GABRA2: variants seen among roughly 807,000 people sequenced by gnomAD.
GABRA2 encodes gamma-aminobutyric acid receptor subunit alpha-2.
In GABRA2, 16 loss-of-function variants were observed where a neutral mutation model predicts 48.7. The ratio of observed to expected loss-of-function variants is 0.33; its 90% CI spans 0.22 to 0.50. The LOEUF (loss-of-function observed/expected upper bound fraction) is 0.50, where lower values mean the gene tolerates loss of function less well. GABRA2 is among the 20% of genes least tolerant of loss of function. The pLI is 0.98. For synonymous variants in GABRA2, 185 were observed against 184.5 expected, an observed-to-expected ratio of 1.00 and a Z score of -0.02; for missense variants, 275 against 535.6, an observed-to-expected ratio of 0.51 and a Z score of 4.80.
intron 3 of GABRA2, among the ~76,000 whole-genome samples, chr4:46,358,036 A>C (rs1382225301): frequency 6.6e-6 from 1 of 152,152 alleles, no homozygotes; most frequent in African/African-American, 2.4e-5. Context: ...CGTTAGTATG[A>C]GTATACTAGG....
intron 8 of GABRA2, among the ~76,000 whole-genome samples, chr4:46,297,296 A>C (rs1472760143): frequency 6.6e-6 from 1 of 151,610 alleles, no homozygotes; most frequent in Non-Finnish European, 1.5e-5. Context: ...TGGAAAGATT[A>C]GACTGGCTTA....
intron 3 of GABRA2, among the ~76,000 whole-genome samples, chr4:46,371,991 C>A (rs547605593): frequency 1.3e-5 from 2 of 152,238 alleles, no homozygotes; most frequent in South Asian, 2.1e-4. Flanking sequence ...CTGGCATCAC[C>A]CAGGAGCTTG....
At chr4:46,389,112 A>AAGGAG in intron 1 of GABRA2, 3 of 1,004,272 alleles carry the variant, frequency 3.0e-6, no homozygotes, top group Non-Finnish European at 3.6e-6. Flanking sequence ...GAGGGGAGGA[A>AAGGAG]AGGAGAGGAG....
chr4:46,368,674 G>A, intron 3 of GABRA2: 1 of 306,310 alleles, frequency 3.3e-6, no homozygotes, highest in East Asian at 5.3e-5. Flanking sequence ...AGTGTGATTT[G>A]TTTGGGAAGC....
chr4:46,309,982 C>T (rs1214768866), intron 6 of GABRA2, among the ~76,000 whole-genome samples, 191 bp downstream of exon 6: 2 of 152,154 alleles, frequency 1.3e-5, no homozygotes, highest in African/African-American at 2.4e-5. Flanking sequence ...AATTGTTTAA[C>T]ACCATGATTA....
At chr4:46,283,471 T>G (rs1359649501) in intron 8 of GABRA2, among the ~76,000 whole-genome samples, 1 of 152,128 alleles carries the variant, frequency 6.6e-6, no homozygotes, top group Non-Finnish European at 1.5e-5. Flanking sequence ...TTATTCCACA[T>G]GGGAAAAGAA....
chr4:46,277,839 A>G (rs1016339352), intron 8 of GABRA2, among the ~76,000 whole-genome samples: 2 of 152,202 alleles, frequency 1.3e-5, no homozygotes, highest in African/African-American at 2.4e-5. Flanking sequence ...AAGGTTGTCA[A>G]TGCAAGAATA....
chr4:46,307,461 A>G (rs1726896779), intron 6 of GABRA2, among the ~76,000 whole-genome samples: 2 of 151,170 alleles, frequency 1.3e-5, no homozygotes, highest in African/African-American at 2.4e-5. Context: ...TTTTTAGCGG[A>G]ACGACATCAC....
chr4:46,346,863 G>A (rs1018374989), intron 3 of GABRA2, among the ~76,000 whole-genome samples: 1 of 151,782 alleles, frequency 6.6e-6, no homozygotes, highest in Non-Finnish European at 1.5e-5. Flanking sequence ...TCTGTTCACT[G>A]ACAATATATA....
chr4:46,247,400 A>G lies in GABRA2; in HGVS notation c.*2908T>C, dbSNP rs1395161615. Among the ~76,000 whole-genome samples the G allele has an allele frequency of 6.6e-6, 1 of 151,166 alleles. No homozygotes were observed. Among genetic ancestry groups the G allele is most frequent in the Non-Finnish European group, 1.5e-5 (1 of 67,448 alleles). On this transcript the variant is annotated 3_prime_UTR_variant, in exon 10 of 10. Coordinates refer to ENST00000381620, the MANE Select transcript of GABRA2 (RefSeq NM_000807.4). ...TTAATTTCAAGTCATTATAAGAATGAGATGCACTTAAAATTTCAACTAAAT... is the reference window on the plus strand; with the variant it reads ...TTAATTTCAAGTCATTATAAGAATGGGATGCACTTAAAATTTCAACTAAAT...
rs572557564 is a variant in GABRA2, at chr4:46,373,055, T to G, written c.187+13019A>C. ...AATTGCAGCTGCCCCCTGGAACTGG[T>G]GGCAATCAGATATCTGAGGCTGAGA... On this transcript the variant is annotated intron_variant, in intron 3 of 9. Transcript: ENST00000381620. Among the ~76,000 whole-genome samples the G allele has an allele frequency of 2.0e-5, 3 of 152,278 alleles. No individual in the cohort carries two copies. The East Asian group carries it at 5.8e-4, about 29-fold the overall frequency.
intron 8 of GABRA2, among the ~76,000 whole-genome samples, chr4:46,289,797 C>A (rs112284905): frequency 0.01 from 1,558 of 152,064 alleles, 11 homozygotes; most frequent in Non-Finnish European, 0.017. Flanking sequence ...TGTGTCTGTT[C>A]GTATGCCAGC....
chr4:46,290,112 T>C (rs1383937615), intron 8 of GABRA2, among the ~76,000 whole-genome samples: 1 of 149,632 alleles, frequency 6.7e-6, no homozygotes, highest in Non-Finnish European at 1.5e-5. Flanking sequence ...GAGACGGGGT[T>C]TCACCATGGT....
intron 9 of GABRA2, among the ~76,000 whole-genome samples, chr4:46,259,079 T>C (rs976638050): frequency 6.6e-6 from 1 of 151,742 alleles, no homozygotes; most frequent in Non-Finnish European, 1.5e-5. Context: ...AAGGAGGCAG[T>C]TGAAAATAGT....
rs1330038983 is a variant in GABRA2 at position 46,245,212 on chromosome 4, T to G, written c.*5096A>C. Among the ~76,000 whole-genome samples, 5 of 151,202 alleles carry G rather than the reference T, an allele frequency of 3.3e-5. No individual in the cohort carries two copies. Among genetic ancestry groups the G allele is most frequent in the Non-Finnish European group, 7.4e-5 (5 of 67,430 alleles). On this transcript the variant is annotated 3_prime_UTR_variant, in exon 10 of 10. Transcript: ENST00000381620. ...ACTTAGAACGTTGACTAGTATGTGA[T>G]GGGCTCTCTGTAAGAATTATACTCT... is the stretch of plus-strand genomic sequence containing the variant.
intron 4 of GABRA2, among the ~76,000 whole-genome samples, chr4:46,321,999 C>CCACCAACCATA (rs1729534491): frequency 6.6e-6 from 1 of 152,024 alleles, no homozygotes; most frequent in African/African-American, 2.4e-5. Context: ...CAGTATTCAT[C>CCACCAACCATA]CACCAACCAT....
chr4:46,298,449 T>C (rs1472356015), intron 8 of GABRA2, among the ~76,000 whole-genome samples: 2 of 152,042 alleles, frequency 1.3e-5, no homozygotes, highest in Non-Finnish European at 2.9e-5. Context: ...GTACTCACAA[T>C]AGTGGAAATG....
In GABRA2 at chr4:46,313,429, T is replaced by C. The variant is rs147925137; in HGVS notation, c.256-713A>G. Among the ~76,000 whole-genome samples the C allele has an allele frequency of 3.3e-3, 498 of 152,174 alleles. 1 individual carries two copies. Among genetic ancestry groups the C allele is most frequent in the African/African-American group, 0.011 (449 of 41,574 alleles). On this transcript the variant is annotated intron_variant, in intron 4 of 9. Coordinates refer to ENST00000381620, the MANE Select transcript of GABRA2 (RefSeq NM_000807.4). ...TTGTAATACAAGCACCTTACAAGTT[T>C]TTAGAATACTTAAATTATGACTATC...
chr4:46,274,216 G>A (rs1388501214), intron 8 of GABRA2, among the ~76,000 whole-genome samples: 1 of 152,038 alleles, frequency 6.6e-6, no homozygotes. Flanking sequence ...AGCAAATTGA[G>A]TTTACATGAG....
Sources: allele counts gnomAD v4.1 joint callset (sites outside exome capture counted in the v4.1 genomes callset), GRCh38; gene constraint gnomAD v4.1.1; transcripts MANE v1.5; gene names NCBI Gene and HGNC (gene_info 2026-07-23, HGNC 2026-07-21).